KHDRBS3: variants seen among roughly 807,000 people sequenced by gnomAD.
KHDRBS3 encodes KH RNA binding domain containing, signal transduction associated 3, also known as KH domain-containing, RNA-binding, signal transduction-associated protein 3.
Under a neutral mutation model 45.6 loss-of-function variants are expected in KHDRBS3, and 23 were observed. That is an observed-to-expected ratio of 0.50 (90% confidence interval 0.36 to 0.72). The LOEUF is 0.72. KHDRBS3 is among the 30% of genes least tolerant of loss of function. KHDRBS3 has a pLI of 0.00. For synonymous variants in KHDRBS3, 162 were observed against 156.5 expected, an observed-to-expected ratio of 1.04 and a Z score of -0.26; for missense variants, 352 against 424.8, an observed-to-expected ratio of 0.83 and a Z score of 1.51.
chr8:135,617,387 C>T (rs1374050123), intron 7 of KHDRBS3, among the ~76,000 whole-genome samples: 1 of 152,030 alleles, frequency 6.6e-6, no homozygotes, highest in Non-Finnish European at 1.5e-5. Flanking sequence ...AAGCGATTCT[C>T]CTGCCTCAGC....
At chr8:135,621,137 G>A (rs1233754130) in intron 7 of KHDRBS3, among the ~76,000 whole-genome samples, 1 of 140,012 alleles carries the variant, frequency 7.1e-6, no homozygotes, top group Non-Finnish European at 1.5e-5. Flanking sequence ...TAAAAAAAAG[G>A]GGGGGAGGAT....
intron 5 of KHDRBS3, among the ~76,000 whole-genome samples, chr8:135,558,936 T>C (rs1166573070): frequency 6.6e-6 from 1 of 152,210 alleles, no homozygotes; most frequent in Non-Finnish European, 1.5e-5. Flanking sequence ...TCTTCCAGTT[T>C]CTGATGGCTA....
At chr8:135,581,512 T>C (rs1299020672) in intron 5 of KHDRBS3, among the ~76,000 whole-genome samples, 1 of 152,214 alleles carries the variant, frequency 6.6e-6, no homozygotes, top group Non-Finnish European at 1.5e-5. Context: ...TTCCTTGTCC[T>C]GAGATAAGCA....
chr8:135,570,148 T>G (rs1474316070), intron 5 of KHDRBS3, among the ~76,000 whole-genome samples: 1 of 152,138 alleles, frequency 6.6e-6, no homozygotes, highest in Non-Finnish European at 1.5e-5. Flanking sequence ...CATACACATT[T>G]TAGGAATTTA....
intron 7 of KHDRBS3, among the ~76,000 whole-genome samples, chr8:135,632,405 A>C (rs1239345830): frequency 2.1e-5 from 3 of 145,924 alleles, no homozygotes; most frequent in African/African-American, 7.6e-5. Flanking sequence ...CACTCCTTTA[A>C]CCTCTTCTCC....
At chr8:135,541,100 G>A (rs888060419) in intron 2 of KHDRBS3, 1 of 152,152 alleles carries the variant, frequency 6.6e-6, no homozygotes, top group Non-Finnish European at 1.5e-5. Context: ...GTAAATATTT[G>A]ATAGCAAAAA....
intron 7 of KHDRBS3, among the ~76,000 whole-genome samples, chr8:135,616,810 T>C (rs1464515122): frequency 4.6e-5 from 7 of 152,180 alleles, no homozygotes; most frequent in Admixed American, 4.6e-4. Flanking sequence ...TACTCTAAAG[T>C]CTTTCTATGT....
intron 7 of KHDRBS3, among the ~76,000 whole-genome samples, chr8:135,632,095 C>T (rs1830628612): frequency 6.6e-6 from 1 of 152,212 alleles, no homozygotes; most frequent in African/African-American, 2.4e-5. Flanking sequence ...CTACAAAACC[C>T]AAAGCCAAAG....
chr8:135,578,517 A>G (rs559604823), intron 5 of KHDRBS3, among the ~76,000 whole-genome samples: 1 of 151,948 alleles, frequency 6.6e-6, no homozygotes, highest in East Asian at 1.9e-4. Context: ...CTCCTTTGTC[A>G]GTAATCAGTT....
At chr8:135,618,763 C>T (rs1364596714) in intron 7 of KHDRBS3, among the ~76,000 whole-genome samples, 1 of 152,154 alleles carries the variant, frequency 6.6e-6, no homozygotes, top group African/African-American at 2.4e-5. Flanking sequence ...CTTTCCACTT[C>T]GCTGTGTATG....
At chr8:135,509,973 C>G (rs894696193) in intron 1 of KHDRBS3, among the ~76,000 whole-genome samples, 18 of 141,514 alleles carry the variant, frequency 1.3e-4, no homozygotes, top group Non-Finnish European at 1.7e-4. Context: ...TTTCCCCCCC[C>G]CTTTTTTTTT....
chr8:135,550,265 T>G (rs1269374228), intron 4 of KHDRBS3, among the ~76,000 whole-genome samples: 2 of 152,158 alleles, frequency 1.3e-5, no homozygotes, highest in African/African-American at 4.8e-5. Flanking sequence ...TCCCCAGAGG[T>G]AGACTCTAAT....
intron 1 of KHDRBS3, among the ~76,000 whole-genome samples, chr8:135,508,729 GACTT>G (rs1484006983): frequency 3.3e-5 from 5 of 152,066 alleles, no homozygotes; most frequent in Non-Finnish European, 7.4e-5. Context: ...TTAGTCTGTG[GACTT>G]ACTATTTATT....
At chr8:135,493,875 A>G (rs1027718023) in intron 1 of KHDRBS3, among the ~76,000 whole-genome samples, 1 of 152,180 alleles carries the variant, frequency 6.6e-6, no homozygotes, top group African/African-American at 2.4e-5. Flanking sequence ...TTCACCAGTG[A>G]AGCCATTGGG....
intron 5 of KHDRBS3, among the ~76,000 whole-genome samples, chr8:135,564,678 C>T (rs2130861288): frequency 6.6e-6 from 1 of 152,276 alleles, no homozygotes; most frequent in South Asian, 2.1e-4. Context: ...ATGTCTTGAC[C>T]TAGCCTCAAA....
chr8:135,556,202 G>A (rs965009367), intron 4 of KHDRBS3, among the ~76,000 whole-genome samples: 3 of 152,172 alleles, frequency 2.0e-5, no homozygotes, highest in Non-Finnish European at 4.4e-5. Flanking sequence ...ACATACATGT[G>A]CATGTGTCTT....
chr8:135,503,349 A>G (rs1165329621), intron 1 of KHDRBS3, among the ~76,000 whole-genome samples: 1 of 152,090 alleles, frequency 6.6e-6, no homozygotes, highest in African/African-American at 2.4e-5. Context: ...AAGCCAACAT[A>G]TTTTTTCCCT....
At position 135,508,067 on chromosome 8, in the gene KHDRBS3, T is replaced by G. The variant is rs1437497097; in HGVS notation, c.89-13170T>G. Among the ~76,000 whole-genome samples, 4 of 152,224 alleles carry G rather than the reference T, an allele frequency of 2.6e-5. No individual in the cohort carries two copies. In the East Asian group the frequency reaches 7.7e-4, roughly 29 times the overall value. On this transcript the variant is annotated intron_variant, in intron 1 of 8. Coordinates refer to ENST00000355849, the MANE Select transcript of KHDRBS3 (RefSeq NM_006558.3). ...AAAATATGATTTAATGTCTTAAGTT[T>G]CTTTTCCCGCCCTGAATTTACTCTG...
At chr8:135,542,618 A>G (rs1296260965) in intron 2 of KHDRBS3, 36 bp from the exon 3 acceptor site, 2 of 1,357,188 alleles carry the variant, frequency 1.5e-6, no homozygotes, top group East Asian at 2.3e-5. Flanking sequence ...GCTTTCACAT[A>G]TAAATGCTAC....
Sources: gnomAD v4.1 joint callset for allele counts (sites outside exome capture counted in the v4.1 genomes callset) on GRCh38, gnomAD v4.1.1 for gene constraint, MANE v1.5 for transcripts, NCBI Gene and HGNC (gene_info 2026-07-23, HGNC 2026-07-21) for gene names.